The following POLR3GL variants were observed in gnomAD, a reference collection of about 807,000 sequenced individuals.
The protein encoded by POLR3GL is RNA polymerase III subunit GL, also known as DNA-directed RNA polymerase III subunit RPC7-like.
A neutral mutation model predicts 32.4 loss-of-function variants in POLR3GL; 26 were observed. That is an observed-to-expected ratio of 0.80 (90% CI 0.59 to 1.11). The LOEUF is 1.11. POLR3GL is among the 50% of genes most tolerant of loss of function. POLR3GL has a pLI of 0.00. For missense variants in POLR3GL, 229 were observed against 280.1 expected (o/e 0.82, Z 1.30); for synonymous variants, 95 against 98.7 (o/e 0.96, Z 0.22).
At chr1:145,977,439 C>G (rs782628385) in intron 4 of POLR3GL, 44 bp from the exon 5 acceptor site, 4 of 1,584,860 alleles carry the variant, frequency 2.5e-6, no homozygotes, top group Non-Finnish European at 3.5e-6. Flanking sequence ...CACTGGAGAC[C>G]CCAGGCAGGG....
intron 1 of POLR3GL, among the ~76,000 whole-genome samples, chr1:145,969,871 A>C (rs999813252): frequency 8.8e-5 from 13 of 148,206 alleles, no homozygotes; most frequent in Non-Finnish European, 1.2e-4. Context: ...GTGAGCCGAG[A>C]TTGCACCACT....
rs782787855 is a variant in POLR3GL at position 145,978,061 on chromosome 1, G to A, written c.535G>A (p.Glu179Lys). The change falls in exon 7 of 8, where the codon GAA becomes AAA. Residue 179 changes from glutamate (E) to lysine (K), a missense_variant. Transcript: ENST00000369314. ...KEEEEEKEEE[E>K]EEEYDEEEHE... The stretch of plus-strand genomic sequence containing the variant: ...AGAAGAAGAAGAGAAGGAAGAGGAG[G>A]AAGAAGAAGAGTATGATGAAGAAGA... 1.2e-6 allele frequency: 2 copies of A among 1,604,844 alleles called. No individual in the cohort carries two copies. The highest frequency in any genetic ancestry group is 1.7e-6 in the Non-Finnish European group (2 of 1,173,062).
intron 1 of POLR3GL, among the ~76,000 whole-genome samples, chr1:145,969,279 T>G (rs912454499): frequency 2.0e-5 from 3 of 150,298 alleles, no homozygotes; most frequent in African/African-American, 7.4e-5. Flanking sequence ...AAAAAAAATT[T>G]TTTTGAGACA....
At position 145,978,454 on chromosome 1, in the gene POLR3GL, A is replaced by G; in HGVS notation, c.*7A>G. ...GGACGAGGCTATATACTGAAGAAGG[A>G]CTCTGGACCCTCGTGTCTTTCTTTA... On this transcript the variant is annotated 3_prime_UTR_variant, in exon 8 of 8. Coordinates refer to ENST00000369314, the MANE Select transcript of POLR3GL (RefSeq NM_032305.3). 1.9e-6 allele frequency: 3 copies of G among 1,559,260 alleles called. No homozygotes were observed. The highest frequency in any genetic ancestry group is 2.6e-6 in the Non-Finnish European group (3 of 1,133,312).
At position 145,977,803 on chromosome 1, in the gene POLR3GL, G is replaced by A; in HGVS notation, c.408G>A (p.Arg136=). The change falls in exon 6 of 8, where the codon AGG becomes AGA. Residue 136 remains arginine (R), a synonymous_variant. Transcript: ENST00000369314. Reference sequence around the variant, plus strand: ...GGATTACAATTCTGCTCCCCAAGAGGCCCCCTAAGACCACAGAAGATAAGG... The same window carrying A: ...GGATTACAATTCTGCTCCCCAAGAGACCCCCTAAGACCACAGAAGATAAGG... ...KERITILLPK[R]PPKTTEDKEE... 1 of 1,614,028 alleles carries A rather than the reference G, an allele frequency of 6.2e-7. No homozygotes were observed. The highest frequency in any genetic ancestry group is 8.5e-7 in the Non-Finnish European group (1 of 1,179,948).
At chr1:145,976,912 C>A (rs1440808654) in intron 3 of POLR3GL, among the ~76,000 whole-genome samples, 172 bp from the exon 4 acceptor site, 635 of 101,358 alleles carry the variant, frequency 6.3e-3, no homozygotes, top group Middle Eastern at 0.019. Context: ...GACTCTGTCT[C>A]AAAAAAAAAA....
At chr1:145,966,116 CA>C (rs58691867) in intron 1 of POLR3GL, among the ~76,000 whole-genome samples, 1,052 of 37,172 alleles carry the variant, frequency 0.028, 3 homozygotes, top group African/African-American at 0.056. Flanking sequence ...AACTCCCTCT[CA>C]AAAAAAAAAA....
intron 1 of POLR3GL, among the ~76,000 whole-genome samples, chr1:145,972,605 G>C (rs587768506): frequency 6.6e-6 from 1 of 152,132 alleles, no homozygotes; most frequent in East Asian, 1.9e-4. Context: ...AATTGTTTCA[G>C]CTTTGGCCAT....
intron 3 of POLR3GL, among the ~76,000 whole-genome samples, chr1:145,976,580 A>AC (rs1327182921): frequency 1.3e-5 from 2 of 150,354 alleles, no homozygotes; most frequent in Non-Finnish European, 3.0e-5. Flanking sequence ...CTGTCTGAAA[A>AC]AAAAAAATCG....
chr1:145,977,408 C>CA (rs1233655071), intron 4 of POLR3GL, 75 bp from the exon 5 acceptor site: 1 of 1,430,716 alleles, frequency 7.0e-7, no homozygotes, highest in African/African-American at 1.4e-5. Flanking sequence ...CCCTCACCCC[C>CA]CTTTAAAACC....
chr1:145,977,899 C>T (rs782731422), intron 6 of POLR3GL, 48 bp downstream of exon 6: 1 of 1,613,822 alleles, frequency 6.2e-7, no homozygotes, highest in South Asian at 1.1e-5. Flanking sequence ...GGATCCATTC[C>T]CTCTCTCTTG....
intron 1 of POLR3GL, among the ~76,000 whole-genome samples, chr1:145,973,775 G>A (rs983654120): frequency 7.9e-5 from 12 of 151,718 alleles, no homozygotes; most frequent in African/African-American, 2.9e-4. Flanking sequence ...ACAGAGTGAA[G>A]TCCTGCACTG....
intron 1 of POLR3GL, among the ~76,000 whole-genome samples, chr1:145,967,282 C>T (rs1161019392): frequency 6.6e-6 from 1 of 151,806 alleles, no homozygotes; most frequent in Non-Finnish European, 1.5e-5. Flanking sequence ...TCAAGTGAGT[C>T]TCATGCCTCA....
chr1:145,975,709 T>C (rs1650521235), intron 3 of POLR3GL, among the ~76,000 whole-genome samples: 1 of 152,152 alleles, frequency 6.6e-6, no homozygotes, highest in Non-Finnish European at 1.5e-5. Flanking sequence ...TTTTTTATTT[T>C]TTTGTAAAAT....
At chr1:145,973,333 G>T (rs587720422) in intron 1 of POLR3GL, among the ~76,000 whole-genome samples, 29 of 152,234 alleles carry the variant, frequency 1.9e-4, no homozygotes, top group African/African-American at 7.0e-4. Context: ...AGATTCATCA[G>T]TGTTGATCAC....
In POLR3GL at chr1:145,964,701, G is replaced by A. The variant is rs1202035936; in HGVS notation, c.-109G>A. The A allele has an allele frequency of 1.3e-5, 2 of 152,204 alleles. No individual in the cohort carries two copies. The highest frequency in any genetic ancestry group is 4.8e-5 in the African/African-American group (2 of 41,448). The allele number at this position is 152,204 out of a possible 1,614,324, so 9.4% of individuals were successfully genotyped here. ...CGGGAGGCGGGCTTAGAACGCCACCGACTTGAGGAAGCCCAGTACATTTCA... is the reference window on the plus strand; with the variant it reads ...CGGGAGGCGGGCTTAGAACGCCACCAACTTGAGGAAGCCCAGTACATTTCA... On this transcript the variant is annotated 5_prime_UTR_variant, in exon 1 of 8. Transcript: ENST00000369314.
rs1430894455 is a variant in POLR3GL, at chr1:145,964,751, T to G, written c.-59T>G. The G allele has an allele frequency of 6.6e-6, 1 of 152,282 alleles. No individual in the cohort carries two copies. Among genetic ancestry groups the G allele is most frequent in the Non-Finnish European group, 1.5e-5 (1 of 68,092 alleles). 9.4% of individuals were successfully genotyped at this position (152,282 alleles called of 1,614,324 possible). A position where few individuals can be genotyped will look rare whatever the true frequency, so the allele number is the denominator to read the frequency against. On this transcript the variant is annotated 5_prime_UTR_variant, in exon 1 of 8. Transcript: ENST00000369314. ...AAGTTGGTCGCGGCTTGGGCTCCGC[T>G]TTGGGGAGGGGCAGCAGGTAAGGCT...
chr1:145,977,197 TG>T, intron 4 of POLR3GL, 45 bp downstream of exon 4: 1 of 1,511,976 alleles, frequency 6.6e-7, no homozygotes, highest in Non-Finnish European at 9.2e-7. Flanking sequence ...TTCAAATGCA[TG>T]GGATGCTTCA....
chr1:145,978,809 G>C lies in POLR3GL; in HGVS notation c.*362G>C, dbSNP rs1238777303. ...GGGTGGGAGCAGTTTGAAGGAGTAA[G>C]CCTGGTTTTATACTTTTAAATAAAG... On this transcript the variant is annotated 3_prime_UTR_variant, in exon 8 of 8. Coordinates refer to ENST00000369314, the MANE Select transcript of POLR3GL (RefSeq NM_032305.3). 5.0e-6 allele frequency: 1 copy of C among 201,344 alleles called. No individual in the cohort carries two copies. The highest frequency in any genetic ancestry group is 1.0e-5 in the Non-Finnish European group (1 of 99,774). The allele number at this position is 201,344 out of a possible 1,614,324, so 12.5% of individuals were successfully genotyped here.
Sources: allele counts gnomAD v4.1 joint callset (sites outside exome capture counted in the v4.1 genomes callset), GRCh38; gene constraint gnomAD v4.1.1; transcripts MANE v1.5; gene names NCBI Gene and HGNC (gene_info 2026-07-23, HGNC 2026-07-21).